The following PCM1 variants were observed in gnomAD, a reference collection of about 807,000 sequenced individuals.
PCM1 encodes the protein pericentriolar material 1, also known as pericentriolar material 1 protein.
Under a neutral mutation model 241.9 loss-of-function variants are expected in PCM1, and 157 were observed. The ratio of observed to expected loss-of-function variants is 0.65; its 90% CI spans 0.57 to 0.74. PCM1 has a LOEUF of 0.74. Ranked by LOEUF, PCM1 falls within the 30% of genes least tolerant of loss-of-function variation. PCM1 has a pLI of 0.00. For synonymous variants in PCM1, 1,085 were observed against 784.9 expected, an observed-to-expected ratio of 1.38 and a Z score of -6.39; for missense variants, 3,478 against 2,360.1, an observed-to-expected ratio of 1.47 and a Z score of -9.81.
rs1023874896 is a variant in PCM1 at position 17,965,602 on chromosome 8, T to C, written c.2856-397T>C. Among the ~76,000 whole-genome samples, 6 of 152,372 alleles carry C rather than the reference T, an allele frequency of 3.9e-5. No individual in the cohort carries two copies. In the East Asian group the frequency reaches 1.2e-3, roughly 29 times the overall value. On this transcript the variant is annotated intron_variant, in intron 18 of 38. Transcript: ENST00000325083. Reference sequence around the variant, plus strand: ...GCCAACAAAGATGTTATTACATTGTTACTAATAATTATAACTGAAAATTTC... The same window carrying C: ...GCCAACAAAGATGTTATTACATTGTCACTAATAATTATAACTGAAAATTTC...
Position 17,969,730 on chromosome 8 carries a change from T to C in PCM1, c.3566T>C (p.Ile1189Thr). The part of the protein sequence containing the change: ...FPKPFESSSS[I>T]GAEKPRNKKL... ...AAACCTTTTGAAAGCAGTTCCTCTA[T>C]TGGAGCAGAGAAACCAAGGTACTGA... The change falls in exon 22 of 39, where the codon ATT becomes ACT. Residue 1189 changes from isoleucine to threonine, a missense_variant. Transcript: ENST00000325083. 1 of 1,574,798 alleles carries C rather than the reference T, an allele frequency of 6.4e-7. No homozygotes were observed. Among genetic ancestry groups the C allele is most frequent in the Non-Finnish European group, 8.6e-7 (1 of 1,165,436 alleles).
intron 2 of PCM1, chr8:17,925,987 A>G (rs1194471207): frequency 6.6e-6 from 1 of 151,660 alleles, no homozygotes; most frequent in Non-Finnish European, 1.5e-5. Flanking sequence ...CTTAATTATA[A>G]TTCTCAGTGG....
intron 29 of PCM1, among the ~76,000 whole-genome samples, chr8:17,994,138 A>T (rs2085747175): frequency 6.6e-6 from 1 of 152,156 alleles, no homozygotes; most frequent in African/African-American, 2.4e-5. Context: ...TTATTCATTC[A>T]TTCTGACTAC....
rs543144578 is a variant in PCM1, at chr8:17,956,743, G to T, written c.1612G>T (p.Glu538Ter). 6 of 1,608,960 alleles carry T rather than the reference G, an allele frequency of 3.7e-6. No individual in the cohort carries two copies. ...AACTGAAGAGTCAGAATATGATTCT[G>T]AGCATGAAAATTCCGAGCCTGTTAC... ...EETEESEYDS[E>*]HENSEPVTNI... is the part of the protein sequence containing the mutation. Residue 538 changes from glutamate to a stop codon, truncating the protein, a stop_gained, in exon 11 of 39, where the codon GAG becomes TAG. Coordinates refer to ENST00000325083, the MANE Select transcript of PCM1 (RefSeq NM_006197.4). LOFTEE classifies it high-confidence loss of function.
chr8:17,957,298 A>T lies in PCM1; in HGVS notation c.1681A>T (p.Asn561Tyr). The T allele has an allele frequency of 6.2e-7, 1 of 1,606,554 alleles. No individual in the cohort carries two copies. Among genetic ancestry groups the T allele is most frequent in the Non-Finnish European group, 8.5e-7 (1 of 1,175,506 alleles). ...AGTAGCTTCCACTTGGAATGAAGTA[A>T]ATAGTCATAGTAATGCACAGTGTGT... ...PQVASTWNEVNSHSNAQCVSN... is the reference protein window; with the variant it reads ...PQVASTWNEVYSHSNAQCVSN... Residue 561 changes from asparagine to tyrosine, a missense_variant, in exon 12 of 39, where the codon AAT (asparagine) becomes TAT (tyrosine). By Grantham distance (143) the Asn-to-Tyr change is moderately radical (BLOSUM62 -2). Coordinates refer to ENST00000325083, the MANE Select transcript of PCM1 (RefSeq NM_006197.4).
At chr8:17,942,645 T>C (rs187711990) in intron 6 of PCM1, among the ~76,000 whole-genome samples, 1 of 152,016 alleles carries the variant, frequency 6.6e-6, no homozygotes, top group African/African-American at 2.4e-5. Context: ...TTTCCATGAT[T>C]TGCATAATGG....
chr8:17,925,277 C>G (rs1046971601), intron 2 of PCM1: 3 of 152,166 alleles, frequency 2.0e-5, no homozygotes, highest in Non-Finnish European at 4.4e-5. Context: ...TGAAACATTA[C>G]TTTTAGCGCA....
chr8:18,011,695 A>G lies in PCM1; in HGVS notation c.5379A>G (p.Leu1793=). The change falls in exon 34 of 39, where the codon TTA becomes TTG. Residue 1793 remains leucine, a synonymous_variant. Transcript: ENST00000325083. ...INLSKAETQA[L]TNYGSGEDEN... The stretch of plus-strand genomic sequence containing the variant: ...TGTCTAAAGCTGAAACTCAGGCTTT[A>G]ACTAATTATGGAAGTGGAGAAGATG... The G allele has an allele frequency of 6.2e-7, 1 of 1,612,012 alleles. No individual in the cohort carries two copies. The highest frequency in any genetic ancestry group is 1.1e-5 in the South Asian group (1 of 90,572).
At chr8:17,939,267 G>A (rs2129450227) in intron 5 of PCM1, among the ~76,000 whole-genome samples, 1 of 152,278 alleles carries the variant, frequency 6.6e-6, no homozygotes, top group East Asian at 1.9e-4. Flanking sequence ...CCAGTTTTTA[G>A]TAAAGGGGGA....
intron 36 of PCM1, among the ~76,000 whole-genome samples, chr8:18,020,386 C>T (rs2093657248): frequency 1.3e-5 from 2 of 152,314 alleles, no homozygotes; most frequent in South Asian, 2.1e-4. Context: ...AAGCTCATTA[C>T]CTTCCAGTCA....
chr8:18,025,724 TTTTA>T, intron 38 of PCM1, 66 bp downstream of exon 38: 3 of 908,206 alleles, frequency 3.3e-6, no homozygotes, highest in Non-Finnish European at 3.4e-6. Context: ...TACTATTGTG[TTTTA>T]TTTTTTAAAT....
chr8:18,017,202 C>T (rs1038075344), intron 36 of PCM1, among the ~76,000 whole-genome samples: 2 of 152,096 alleles, frequency 1.3e-5, no homozygotes. Flanking sequence ...TTGACTAGTC[C>T]AAAAAGTTGA....
chr8:18,016,995 TC>T (rs2093284346), intron 36 of PCM1, among the ~76,000 whole-genome samples: 1 of 152,218 alleles, frequency 6.6e-6, no homozygotes, highest in South Asian at 2.1e-4. Context: ...ACCCTGGGCT[TC>T]CTGATTTCTG....
chr8:18,013,553 C>G (rs2092774529), intron 34 of PCM1, among the ~76,000 whole-genome samples: 1 of 152,196 alleles, frequency 6.6e-6, no homozygotes, highest in African/African-American at 2.4e-5. Context: ...ATCATCATGT[C>G]TTCCTTTCTA....
chr8:17,996,071 G>A (rs1386024233), intron 29 of PCM1, among the ~76,000 whole-genome samples: 1 of 152,162 alleles, frequency 6.6e-6, no homozygotes, highest in African/African-American at 2.4e-5. Context: ...CCAGTACTAT[G>A]TTGAATAACA....
rs574221636 is a variant in PCM1 at position 18,025,336 on chromosome 8, AT to A, written c.5842-14del. The A allele has an allele frequency of 0.024, 21,031 of 871,204 alleles. 8 individuals carry two copies. Among genetic ancestry groups the A allele is most frequent in the East Asian group, 0.031 (895 of 28,794 alleles). The allele number at this position is 871,204 out of a possible 1,614,324, so 54.0% of individuals were successfully genotyped here. ...TGACTGGTTTGGATCTAGAGTATGT[AT>A]TTTTTTTTTTCATTACATTACAGGA... On this transcript the variant is annotated intron_variant, in intron 36 of 38. Transcript: ENST00000325083.
intron 13 of PCM1, among the ~76,000 whole-genome samples, chr8:17,958,997 C>T (rs1029494825): frequency 2.6e-5 from 4 of 152,132 alleles, no homozygotes; most frequent in Non-Finnish European, 5.9e-5. Flanking sequence ...GCTCAGATTG[C>T]AGGCACAAAA....
At chr8:17,959,290 TATG>T (rs1188617893) in intron 13 of PCM1, among the ~76,000 whole-genome samples, 7 of 150,130 alleles carry the variant, frequency 4.7e-5, no homozygotes, top group East Asian at 2.0e-4. Context: ...GAAACACAAA[TATG>T]ATAATTATAA....
At chr8:18,000,987 G>C (rs1005178380) in intron 29 of PCM1, among the ~76,000 whole-genome samples, 23 of 152,290 alleles carry the variant, frequency 1.5e-4, no homozygotes, top group African/African-American at 5.1e-4. Context: ...TGGTTACTCA[G>C]CTAATTCCAG....
Sources: gnomAD v4.1 joint callset for allele counts (sites outside exome capture counted in the v4.1 genomes callset) on GRCh38, gnomAD v4.1.1 for gene constraint, MANE v1.5 for transcripts, NCBI Gene and HGNC (gene_info 2026-07-23, HGNC 2026-07-21) for gene names.